CDH18: variants seen among roughly 807,000 people sequenced by gnomAD.
The protein encoded by CDH18 is cadherin 18.
Under a neutral mutation model 67.9 loss-of-function variants are expected in CDH18, and 31 were observed. That is an observed-to-expected ratio of 0.46 (90% CI 0.34 to 0.62). The LOEUF is 0.62. Among genes scored for constraint, CDH18 ranks in the 20% least tolerant of loss-of-function variants. The probability of loss-of-function intolerance (pLI) is 0.01; values close to 1 mark genes in which losing one functional copy is unlikely to be tolerated. For missense variants in CDH18, 890 were observed against 975.5 expected (o/e 0.91, Z 1.17); for synonymous variants, 362 against 347.2 (o/e 1.04, Z -0.48).
intron 1 of CDH18, among the ~76,000 whole-genome samples, chr5:20,366,991 A>G (rs1424724624): frequency 6.6e-6 from 1 of 151,960 alleles, no homozygotes; most frequent in Non-Finnish European, 1.5e-5. Context: ...CTTAAAAATG[A>G]CCCTTCTCTG....
At chr5:19,844,692 T>G (rs1045032205) in intron 2 of CDH18, among the ~76,000 whole-genome samples, 1 of 152,166 alleles carries the variant, frequency 6.6e-6, no homozygotes, top group African/African-American at 2.4e-5. Flanking sequence ...TGAGAAATTT[T>G]CCACAGCAGT....
chr5:19,581,097 C>G (rs1024884488), intron 7 of CDH18, among the ~76,000 whole-genome samples: 2 of 151,916 alleles, frequency 1.3e-5, no homozygotes, highest in African/African-American at 4.8e-5. Flanking sequence ...CTTCTCAGCC[C>G]TTGCTAGAAG....
rs752801230 is a variant in CDH18 at position 19,839,119 on chromosome 5, G to A, written c.-133C>T. On this transcript the variant is annotated 5_prime_UTR_variant, in exon 3 of 13. Coordinates refer to ENST00000382275, the MANE Select transcript of CDH18 (RefSeq NM_004934.5). Reference sequence around the variant, plus strand: ...AAAGTAAATTGTTTAGCGTGTCCATGATTTAACTGTCCATCAGGGAAAGGT... The same window carrying A: ...AAAGTAAATTGTTTAGCGTGTCCATAATTTAACTGTCCATCAGGGAAAGGT... The A allele has an allele frequency of 1.5e-5, 10 of 651,422 alleles. No homozygotes were observed. In the African/African-American group the frequency reaches 1.8e-4, roughly 12 times the overall value. 40.4% of individuals were successfully genotyped at this position (651,422 alleles called of 1,614,324 possible). A position where few individuals can be genotyped will look rare whatever the true frequency, so the allele number is the denominator to read the frequency against.
chr5:20,468,332 GCCAA>G (rs1751810105), intron 1 of CDH18, among the ~76,000 whole-genome samples: 1 of 152,050 alleles, frequency 6.6e-6, no homozygotes, highest in East Asian at 1.9e-4. Flanking sequence ...CTTTCTAATT[GCCAA>G]TACATTTAAA....
rs75056851 is a variant in CDH18, at chr5:20,549,862, G to A, written c.-580+25600C>T. 6.8e-4 allele frequency among the ~76,000 whole-genome samples: 103 copies of A among 152,224 alleles called. 1 individual carries two copies. In the East Asian group the frequency reaches 0.017, roughly 26 times the overall value. On this transcript the variant is annotated intron_variant, in intron 1 of 14. Coordinates refer to the CDH18 transcript ENST00000507958. Reference sequence around the variant, plus strand: ...TATTCCACTCTAGCATATTCACCACGTGATAAACTTCTTTTCAAAGAAAAG... The same window carrying A: ...TATTCCACTCTAGCATATTCACCACATGATAAACTTCTTTTCAAAGAAAAG...
rs5866426 is a variant in CDH18, at chr5:20,453,573, ATG to A, written c.-580+121887_-580+121888del. Among the ~76,000 whole-genome samples the A allele has an allele frequency of 2.0e-3, 294 of 150,732 alleles. 2 individuals carry two copies. Among genetic ancestry groups the A allele is most frequent in the African/African-American group, 5.7e-3 (235 of 41,072 alleles). ...TATGTATGTGTGTGTGTATATATAT[ATG>A]TGTGTGTGTGTGTGTGTATATGTAT... On this transcript the variant is annotated intron_variant, in intron 1 of 14. Coordinates refer to the CDH18 transcript ENST00000507958.
At chr5:19,828,602 G>C (rs190345189) in intron 3 of CDH18, among the ~76,000 whole-genome samples, 1 of 152,164 alleles carries the variant, frequency 6.6e-6, no homozygotes, top group Admixed American at 6.5e-5. Flanking sequence ...ATCAATAAGC[G>C]TGATTCATCA....
intron 2 of CDH18, among the ~76,000 whole-genome samples, chr5:20,059,231 T>C (rs992484938): frequency 6.6e-6 from 1 of 152,164 alleles, no homozygotes; most frequent in African/African-American, 2.4e-5. Context: ...TTCTTCTTTA[T>C]TAGTCTGGCT....
intron 2 of CDH18, among the ~76,000 whole-genome samples, chr5:20,003,814 C>T (rs544744823): frequency 1.3e-5 from 2 of 152,142 alleles, no homozygotes; most frequent in African/African-American, 2.4e-5. Context: ...AGGAGAATGG[C>T]GTGAGCCCGG....
At chr5:19,695,514 T>C (rs563639495) in intron 5 of CDH18, among the ~76,000 whole-genome samples, 58 of 152,056 alleles carry the variant, frequency 3.8e-4, no homozygotes, top group Non-Finnish European at 6.2e-4. Flanking sequence ...TAAAAATGCA[T>C]TAGAGGTTTT....
chr5:20,090,272 C>T (rs1356194506), intron 2 of CDH18, among the ~76,000 whole-genome samples: 1 of 152,190 alleles, frequency 6.6e-6, no homozygotes, highest in Non-Finnish European at 1.5e-5. Flanking sequence ...CGCACTGGCT[C>T]ATGCCCATAA....
At chr5:20,446,303 A>T (rs1749997385) in intron 1 of CDH18, among the ~76,000 whole-genome samples, 1 of 152,172 alleles carries the variant, frequency 6.6e-6, no homozygotes, top group Non-Finnish European at 1.5e-5. Context: ...GGTTGAACCT[A>T]GGTGGGCCAG....
rs1369596198 is a variant in CDH18 at position 19,983,538 on chromosome 5, A to G, written c.-375-2360T>C. Among the ~76,000 whole-genome samples the G allele has an allele frequency of 2.0e-5, 3 of 152,214 alleles. 1 individual carries two copies. Among genetic ancestry groups the G allele is most frequent in the Admixed American group, 2.0e-4 (3 of 15,284 alleles). ...TTGATTAAAGCAAATATTTCACTCA[A>G]TATTTTTAGGGATCAAACTTTGTTC... On this transcript the variant is annotated intron_variant, in intron 1 of 12. Transcript: ENST00000382275.
intron 2 of CDH18, among the ~76,000 whole-genome samples, chr5:19,850,781 AC>A (rs1187940366): frequency 6.6e-6 from 1 of 151,830 alleles, no homozygotes; most frequent in African/African-American, 2.4e-5. Flanking sequence ...ATATACATAA[AC>A]TAATTTTCTG....
chr5:20,423,639 C>T (rs62352837), intron 1 of CDH18, among the ~76,000 whole-genome samples: 13,302 of 150,468 alleles, frequency 0.088, 2,040 homozygotes, highest in African/African-American at 0.27. Flanking sequence ...ACTGTAACAA[C>T]GGTAGAATCA....
At chr5:20,382,386 G>C (rs961554339) in intron 1 of CDH18, among the ~76,000 whole-genome samples, 4 of 152,098 alleles carry the variant, frequency 2.6e-5, no homozygotes, top group Non-Finnish European at 4.4e-5. Context: ...TGAATGGAAG[G>C]CTTTTTGTTT....
At chr5:19,706,454 T>C (rs1008637974) in intron 5 of CDH18, among the ~76,000 whole-genome samples, 2 of 152,234 alleles carry the variant, frequency 1.3e-5, no homozygotes, top group Non-Finnish European at 2.9e-5. Context: ...ACATGGTGCA[T>C]TCCTCATCTT....
At position 20,365,443 on chromosome 5, in the gene CDH18, G is replaced by T. The variant is rs571445239; in HGVS notation, c.-579-109938C>A. ...CCTGATCTGCCGTGGGAAGAAGCTT[G>T]CACAAGCCTCCATTACTGATATACT... On this transcript the variant is annotated intron_variant, in intron 1 of 14. Transcript: ENST00000507958. Among the ~76,000 whole-genome samples the T allele has an allele frequency of 4.6e-5, 7 of 152,246 alleles. No individual in the cohort carries two copies. In the South Asian group the frequency reaches 1.5e-3, roughly 32 times the overall value.
Position 19,960,640 on chromosome 5 carries a change from CATAT to C in CDH18, c.-257+20416_-257+20419del, listed in dbSNP as rs1341655124. ...ATATATATACACGTGTATATGTATA[CATAT>C]ACACGTGTATATATATATACACATG... On this transcript the variant is annotated intron_variant, in intron 2 of 12. Coordinates refer to ENST00000382275, the MANE Select transcript of CDH18 (RefSeq NM_004934.5). Among the ~76,000 whole-genome samples, 130 of 95,688 alleles carry C rather than the reference CATAT, an allele frequency of 1.4e-3. 4 individuals are homozygous for C. The highest frequency in any genetic ancestry group is 8.2e-3 in the African/African-American group (108 of 13,208). 62.8% of individuals were successfully genotyped at this position (95,688 alleles called of 152,430 possible).
Sources: gnomAD v4.1 joint callset for allele counts (sites outside exome capture counted in the v4.1 genomes callset) on GRCh38, gnomAD v4.1.1 for gene constraint, MANE v1.5 for transcripts, NCBI Gene and HGNC (gene_info 2026-07-23, HGNC 2026-07-21) for gene names.